Variants in PACRG observed in about 807,000 individuals in gnomAD.
PACRG encodes the protein parkin coregulated.
In PACRG, 29 loss-of-function variants were observed where a neutral mutation model predicts 29.7. The observed-to-expected ratio is 0.98, with a 90% CI of 0.73 to 1.33. The LOEUF is 1.33. PACRG is among the 40% of genes most tolerant of loss of function. The pLI is 0.00. For missense variants in PACRG, 279 were observed against 316.2 expected (o/e 0.88, Z 0.89); for synonymous variants, 116 against 118.7 (o/e 0.98, Z 0.15).
chr6:163,285,907 C>T (rs777866672), intron 4 of PACRG, among the ~76,000 whole-genome samples: 1 of 149,652 alleles, frequency 6.7e-6, no homozygotes, highest in Non-Finnish European at 1.5e-5. Flanking sequence ...AGCTAGGCTG[C>T]TGGAAGGGAC....
In PACRG at chr6:163,213,048, G is replaced by A. The variant is rs1311553377; in HGVS notation, c.614-101779G>A. Among the ~76,000 whole-genome samples, 3 of 152,270 alleles carry A rather than the reference G, an allele frequency of 2.0e-5. No homozygotes were observed. In the East Asian group the frequency reaches 5.8e-4, roughly 29 times the overall value. On this transcript the variant is annotated intron_variant, in intron 4 of 4. Coordinates refer to ENST00000366888, the MANE Select transcript of PACRG (RefSeq NM_001080379.2). ...CCGCCTTGGCCTCCCAAAGTGCTGG[G>A]ATTACAGGCATGAGCCACCATGCCC...
In PACRG at chr6:163,062,587, A is replaced by C. The variant is rs75062521; in HGVS notation, c.463+266A>C. On this transcript the variant is annotated intron_variant, in intron 3 of 4. Transcript: ENST00000366888. ...GCCTCACAGTAATGACATAAGCATT[A>C]ACATTAACTTACGCATCCAGAGGTC... Among the ~76,000 whole-genome samples the C allele has an allele frequency of 9.2e-3, 1,406 of 152,352 alleles. 23 individuals are homozygous for C. Among genetic ancestry groups the C allele is most frequent in the African/African-American group, 0.033 (1,354 of 41,584 alleles).
At chr6:162,727,522 C>T (rs1225592721), upstream of PACRG, 9 of 940,732 alleles carry the variant, frequency 9.6e-6, no homozygotes, top group South Asian at 1.6e-5. Context: ...CCCGGCGGCG[C>T]GGGCCGGGGA....
Position 162,835,576 on chromosome 6 carries a change from A to T in PACRG, c.291+21295A>T, listed in dbSNP as rs936032377. On this transcript the variant is annotated intron_variant, in intron 2 of 4. Transcript: ENST00000366888. Reference sequence around the variant, plus strand: ...AATGCATTTTATAAATATGTATTTAATTATACATCTTAAAATATAGGTTTG... The same window carrying T: ...AATGCATTTTATAAATATGTATTTATTTATACATCTTAAAATATAGGTTTG... Among the ~76,000 whole-genome samples the T allele has an allele frequency of 5.9e-5, 9 of 152,284 alleles. No individual in the cohort carries two copies. In the East Asian group the frequency reaches 1.2e-3, roughly 20 times the overall value.
chr6:162,760,322 T>C (rs956157061), intron 1 of PACRG, among the ~76,000 whole-genome samples: 1 of 152,192 alleles, frequency 6.6e-6, no homozygotes, highest in African/African-American at 2.4e-5. Flanking sequence ...TCACATCACA[T>C]GTGGACTACT....
chr6:163,036,149 T>C (rs1808164723), intron 2 of PACRG, among the ~76,000 whole-genome samples: 1 of 152,248 alleles, frequency 6.6e-6, no homozygotes, highest in African/African-American at 2.4e-5. Flanking sequence ...TAATAGTATG[T>C]TGCAAGACTG....
chr6:163,302,104 A>G (rs1785027012), intron 4 of PACRG, among the ~76,000 whole-genome samples: 1 of 152,232 alleles, frequency 6.6e-6, no homozygotes, highest in Non-Finnish European at 1.5e-5. Context: ...AAAAGTCAGC[A>G]TATTTCACCT....
intron 1 of PACRG, among the ~76,000 whole-genome samples, chr6:162,734,882 C>CT (rs1780044541): frequency 6.6e-6 from 1 of 152,200 alleles, no homozygotes; most frequent in Non-Finnish European, 1.5e-5. Context: ...CCCCATCTGT[C>CT]TCTTTGTAGT....
intron 4 of PACRG, among the ~76,000 whole-genome samples, chr6:163,238,795 A>AT (rs1379868548): frequency 2.0e-5 from 3 of 152,034 alleles, no homozygotes; most frequent in Admixed American, 6.5e-5. Flanking sequence ...TTCCCAGAAT[A>AT]TTTTTTTCTC....
At chr6:162,807,642 G>A (rs1786468118) in intron 1 of PACRG, among the ~76,000 whole-genome samples, 1 of 152,070 alleles carries the variant, frequency 6.6e-6, no homozygotes, top group Non-Finnish European at 1.5e-5. Flanking sequence ...AATCACAATA[G>A]TAACATTGAA....
intron 1 of PACRG, among the ~76,000 whole-genome samples, chr6:162,756,286 G>A (rs768915900): frequency 6.6e-5 from 10 of 152,000 alleles, no homozygotes; most frequent in Non-Finnish European, 1.5e-4. Context: ...TTTCTTTTCC[G>A]ATTATTTAAT....
chr6:163,076,138 G>A (rs1812518379), intron 3 of PACRG, among the ~76,000 whole-genome samples: 1 of 152,146 alleles, frequency 6.6e-6, no homozygotes, highest in African/African-American at 2.4e-5. Flanking sequence ...CCTGTGAAGA[G>A]TGTTGATTCT....
At chr6:162,928,162 G>C (rs1446986995) in intron 2 of PACRG, among the ~76,000 whole-genome samples, 1 of 151,882 alleles carries the variant, frequency 6.6e-6, no homozygotes, top group African/African-American at 2.4e-5. Context: ...TTTTTGAGGG[G>C]AGACTTTTTA....
chr6:163,236,998 A>G (rs1782266666), intron 4 of PACRG, among the ~76,000 whole-genome samples: 1 of 152,240 alleles, frequency 6.6e-6, no homozygotes, highest in African/African-American at 2.4e-5. Context: ...AGCAAGGGGA[A>G]AGTTCCGCCC....
intron 4 of PACRG, among the ~76,000 whole-genome samples, chr6:163,260,231 C>T (rs190629235): frequency 6.6e-6 from 1 of 152,356 alleles, no homozygotes; most frequent in Non-Finnish European, 1.5e-5. Flanking sequence ...CTTCAGCGAT[C>T]GCTGGCATGG....
intron 4 of PACRG, among the ~76,000 whole-genome samples, chr6:163,243,577 C>T (rs1477841505): frequency 4.6e-5 from 7 of 152,128 alleles, no homozygotes; most frequent in African/African-American, 7.2e-5. Context: ...CAGCAGGAGC[C>T]GCGGGATGGT....
At chr6:162,806,528 G>A (rs537072632) in intron 1 of PACRG, among the ~76,000 whole-genome samples, 17 of 152,132 alleles carry the variant, frequency 1.1e-4, no homozygotes, top group Admixed American at 1.1e-3. Context: ...TCATCTCCTT[G>A]TACATCTCCA....
chr6:162,977,758 G>A (rs1055774283), intron 2 of PACRG, among the ~76,000 whole-genome samples: 1 of 152,132 alleles, frequency 6.6e-6, no homozygotes, highest in Admixed American at 6.5e-5. Context: ...ACATTACTAT[G>A]TTTATTAAAA....
intron 2 of PACRG, among the ~76,000 whole-genome samples, chr6:162,968,902 C>T (rs1056291560): frequency 1.3e-5 from 2 of 151,882 alleles, no homozygotes; most frequent in Admixed American, 6.6e-5. Flanking sequence ...CAAAAATTAG[C>T]TGGGCGTGGT....
Sources: gnomAD v4.1 joint callset for allele counts (sites outside exome capture counted in the v4.1 genomes callset) on GRCh38, gnomAD v4.1.1 for gene constraint, MANE v1.5 for transcripts, NCBI Gene and HGNC (gene_info 2026-07-23, HGNC 2026-07-21) for gene names.